PCSK5: variants seen among roughly 807,000 people sequenced by gnomAD.
The protein encoded by PCSK5 is prohormone convertase 5.
A neutral mutation model predicts 233.2 loss-of-function variants in PCSK5; 129 were observed. The ratio of observed to expected loss-of-function variants is 0.55; its 90% CI spans 0.48 to 0.64. The LOEUF (loss-of-function observed/expected upper bound fraction) is 0.64. Among genes scored for constraint, PCSK5 ranks in the 30% least tolerant of loss-of-function variants. PCSK5 has a pLI of 0.00. For synonymous variants in PCSK5, 825 were observed against 879.2 expected, an observed-to-expected ratio of 0.94 and a Z score of 1.09; for missense variants, 2,076 against 2,430.1, an observed-to-expected ratio of 0.85 and a Z score of 3.06.
chr9:76,064,579 T>C (rs1404767440), intron 5 of PCSK5, among the ~76,000 whole-genome samples: 1 of 144,178 alleles, frequency 6.9e-6, no homozygotes, highest in Non-Finnish European at 1.5e-5. Flanking sequence ...CCAGATGGGG[T>C]GGCTGCCGGG....
chr9:76,078,798 C>T (rs1253921159), intron 7 of PCSK5, among the ~76,000 whole-genome samples: 1 of 152,064 alleles, frequency 6.6e-6, no homozygotes, highest in Non-Finnish European at 1.5e-5. Flanking sequence ...ATCACTTTGG[C>T]CATTCGGACT....
chr9:75,914,180 AATT>A (rs1564078289), intron 1 of PCSK5, among the ~76,000 whole-genome samples: 1 of 152,200 alleles, frequency 6.6e-6, no homozygotes, highest in East Asian at 1.9e-4. Context: ...GATTTAAACC[AATT>A]ATTAACTCAA....
chr9:76,222,018 T>A (rs562488112), intron 20 of PCSK5, among the ~76,000 whole-genome samples: 2 of 152,314 alleles, frequency 1.3e-5, no homozygotes, highest in East Asian at 3.9e-4. Context: ...ACCTCCAGGG[T>A]AGGGATGTAG....
intron 5 of PCSK5, among the ~76,000 whole-genome samples, chr9:76,063,323 T>C (rs1830102671): frequency 8.6e-6 from 1 of 116,240 alleles, no homozygotes. Flanking sequence ...TTTTTTCTTT[T>C]TTTTTTTTTT....
chr9:76,350,510 A>C (rs1830093421), intron 35 of PCSK5, among the ~76,000 whole-genome samples: 1 of 152,220 alleles, frequency 6.6e-6, no homozygotes, highest in African/African-American at 2.4e-5. Context: ...ACACTAGTTA[A>C]ACAATAAGCA....
In PCSK5 at chr9:76,232,783, T is replaced by C. The variant is rs371894312; in HGVS notation, c.2730-677T>C. Among the ~76,000 whole-genome samples the C allele has an allele frequency of 2.2e-4, 34 of 152,352 alleles. No homozygotes were observed. The South Asian group carries it at 2.3e-3, about 10-fold the overall frequency. ...GACATTAGGATATACATTGTATATA[T>C]GTAAAACCAAAGTTTTAGAAGCCCA... is the stretch of plus-strand genomic sequence containing the variant. On this transcript the variant is annotated intron_variant, in intron 21 of 37. Coordinates refer to ENST00000674117, the MANE Select transcript of PCSK5 (RefSeq NM_001372043.1).
intron 13 of PCSK5, among the ~76,000 whole-genome samples, chr9:76,173,496 CTTTTTTTTTTTTTTTTTT>C (rs59248860): frequency 0.028 from 1,708 of 61,068 alleles, 54 homozygotes; most frequent in East Asian, 0.11. Context: ...GGCACGTTTC[CTTTTTTTTTTTTTTTTTT>C]TTTTTTTTTT....
chr9:75,960,651 T>G (rs553941214), intron 2 of PCSK5, among the ~76,000 whole-genome samples: 31 of 152,314 alleles, frequency 2.0e-4, no homozygotes, highest in African/African-American at 6.7e-4. Context: ...CATTTATTAT[T>G]CCCTAAATTT....
intron 3 of PCSK5, among the ~76,000 whole-genome samples, chr9:76,013,065 T>G (rs1827798511): frequency 1.3e-5 from 1 of 74,314 alleles, no homozygotes; most frequent in Non-Finnish European, 4.2e-5. Flanking sequence ...TCCCCTTTAT[T>G]TTTAGATATA....
rs548312709 is a variant in PCSK5, at chr9:76,142,298, C to T, written c.1312+8086C>T. Among the ~76,000 whole-genome samples, 4 of 151,914 alleles carry T rather than the reference C, an allele frequency of 2.6e-5. No individual in the cohort carries two copies. In the South Asian group the frequency reaches 8.3e-4, roughly 32 times the overall value. ...TGGTTCCGAGTTAGTATGAGTACAACTGCTCCAAATAGTTATGTAAAAATC... is the reference window on the plus strand; with the variant it reads ...TGGTTCCGAGTTAGTATGAGTACAATTGCTCCAAATAGTTATGTAAAAATC... On this transcript the variant is annotated intron_variant, in intron 10 of 37. Transcript: ENST00000674117.
In PCSK5 at chr9:76,134,967, A is replaced by G. The variant is rs113248391; in HGVS notation, c.1312+755A>G. Among the ~76,000 whole-genome samples, 461 of 152,248 alleles carry G rather than the reference A, an allele frequency of 3.0e-3. 6 individuals are homozygous for G. The highest frequency in any genetic ancestry group is 0.017 in the Middle Eastern group (5 of 294). Reference sequence around the variant, plus strand: ...CTAAGTTATAATAAGGTTTTAATTCATTAATCTAACTTGTAACAAACATTA... The same window carrying G: ...CTAAGTTATAATAAGGTTTTAATTCGTTAATCTAACTTGTAACAAACATTA... On this transcript the variant is annotated intron_variant, in intron 10 of 37. Coordinates refer to ENST00000674117, the MANE Select transcript of PCSK5 (RefSeq NM_001372043.1).
chr9:75,956,738 G>A (rs1030613126), intron 2 of PCSK5, among the ~76,000 whole-genome samples: 1 of 152,046 alleles, frequency 6.6e-6, no homozygotes, highest in Non-Finnish European at 1.5e-5. Flanking sequence ...ACTTGGACAA[G>A]ATTGCAAAAT....
intron 20 of PCSK5, among the ~76,000 whole-genome samples, chr9:76,202,609 G>T (rs1824960564): frequency 1.3e-5 from 2 of 151,906 alleles, no homozygotes; most frequent in Non-Finnish European, 2.9e-5. Flanking sequence ...CTTCCATTCT[G>T]CCCTGCACCC....
At chr9:76,081,191 C>T (rs934285238) in intron 7 of PCSK5, among the ~76,000 whole-genome samples, 3 of 152,116 alleles carry the variant, frequency 2.0e-5, no homozygotes, top group Non-Finnish European at 2.9e-5. Context: ...TGGTGGCTCT[C>T]GCCTGTAATC....
At chr9:75,903,474 A>G (rs2131206450) in intron 1 of PCSK5, among the ~76,000 whole-genome samples, 1 of 151,070 alleles carries the variant, frequency 6.6e-6, no homozygotes, top group African/African-American at 2.4e-5. Context: ...ACCTAGTTAA[A>G]AGCAAGTCTT....
intron 24 of PCSK5, among the ~76,000 whole-genome samples, chr9:76,251,599 A>C (rs568347849): frequency 0.013 from 1,979 of 151,714 alleles, 73 homozygotes; most frequent in African/African-American, 0.045. Flanking sequence ...GAAAAAGAAA[A>C]GTACTTCAAC....
At chr9:76,005,972 G>A (rs1287172839) in intron 3 of PCSK5, among the ~76,000 whole-genome samples, 1 of 151,714 alleles carries the variant, frequency 6.6e-6, no homozygotes, top group South Asian at 2.1e-4. Flanking sequence ...CAGCCTCCAA[G>A]TGACTGAGAC....
At chr9:76,320,959 C>T (rs541531066) in intron 30 of PCSK5, among the ~76,000 whole-genome samples, 8 of 151,890 alleles carry the variant, frequency 5.3e-5, no homozygotes, top group Non-Finnish European at 7.4e-5. Context: ...AGACTATAGG[C>T]GTGCACCACC....
intron 12 of PCSK5, 42 bp downstream of exon 12, chr9:76,159,213 G>T (rs753367270): frequency 6.4e-7 from 1 of 1,561,418 alleles, no homozygotes; most frequent in South Asian, 1.1e-5. Flanking sequence ...TAGTCACAGC[G>T]ACACTCGGCT....
Sources: allele counts gnomAD v4.1 joint callset (sites outside exome capture counted in the v4.1 genomes callset), GRCh38; gene constraint gnomAD v4.1.1; transcripts MANE v1.5; gene names NCBI Gene and HGNC (gene_info 2026-07-23, HGNC 2026-07-21).